The following PHACTR1 variants were observed in gnomAD, a reference collection of about 807,000 sequenced individuals.
The protein encoded by PHACTR1 is RPEL repeat containing 1.
Under a neutral mutation model 69.2 loss-of-function variants are expected in PHACTR1, and 16 were observed. That is an observed-to-expected ratio of 0.23 (90% CI 0.16 to 0.35). The LOEUF (loss-of-function observed/expected upper bound fraction) is 0.35, where lower values mean the gene tolerates loss of function less well. PHACTR1 is among the 10% of genes least tolerant of loss of function. The pLI is 1.00. For synonymous variants in PHACTR1, 312 were observed against 284.5 expected, an observed-to-expected ratio of 1.10 and a Z score of -0.97; for missense variants, 510 against 734.7, an observed-to-expected ratio of 0.69 and a Z score of 3.54.
At chr6:12,953,902 A>G (rs971696021) in intron 4 of PHACTR1, among the ~76,000 whole-genome samples, 2 of 152,250 alleles carry the variant, frequency 1.3e-5, no homozygotes, top group Non-Finnish European at 1.5e-5. Context: ...AATGACACAC[A>G]TAATTCCTAT....
At position 12,872,359 on chromosome 6, in the gene PHACTR1, A is replaced by G. The variant is rs146286554; in HGVS notation, c.250+122569A>G. ...ATGGATGATGGATGCATGGAAGTTT[A>G]TTATACTATTAACTCTACTCTTACT... On this transcript the variant is annotated intron_variant, in intron 4 of 14. Transcript: ENST00000332995. Among the ~76,000 whole-genome samples, 358 of 152,318 alleles carry G rather than the reference A, an allele frequency of 2.4e-3. 1 individual carries two copies. The highest frequency in any genetic ancestry group is 8.1e-3 in the African/African-American group (338 of 41,574).
intron 5 of PHACTR1, among the ~76,000 whole-genome samples, chr6:13,125,958 A>G (rs2127955419): frequency 6.6e-6 from 1 of 152,294 alleles, no homozygotes; most frequent in East Asian, 1.9e-4. Context: ...AACATAGTCC[A>G]AATTAAATAA....
chr6:12,885,209 G>A (rs764622059), intron 4 of PHACTR1, among the ~76,000 whole-genome samples: 9 of 152,144 alleles, frequency 5.9e-5, no homozygotes, highest in South Asian at 4.1e-4. Context: ...GACCTAGACC[G>A]CCCCATGATA....
intron 3 of PHACTR1, among the ~76,000 whole-genome samples, chr6:12,747,051 G>C (rs937335712): frequency 6.6e-6 from 1 of 152,152 alleles, no homozygotes; most frequent in South Asian, 2.1e-4. Flanking sequence ...TTCATTTGAT[G>C]AGCCATATAG....
chr6:12,957,484 G>C, intron 4 of PHACTR1: 1 of 985,500 alleles, frequency 1.0e-6, no homozygotes, highest in Non-Finnish European at 1.2e-6. Flanking sequence ...CCAATGTCAA[G>C]TAAAACGCAG....
chr6:13,160,080 G>A (rs1758763545), intron 5 of PHACTR1, 124 bp from the exon 6 acceptor site: 1 of 813,208 alleles, frequency 1.2e-6, no homozygotes, highest in Non-Finnish European at 2.1e-6. Flanking sequence ...GCTCACATTA[G>A]CAAAGCACGA....
At chr6:12,957,417 C>T (rs1792028789) in intron 4 of PHACTR1, 1 of 985,280 alleles carries the variant, frequency 1.0e-6, no homozygotes, top group Admixed American at 6.2e-5. Flanking sequence ...GGTTTGGATC[C>T]CCGGGTTACT....
chr6:12,898,039 T>A (rs1784845911), intron 4 of PHACTR1, among the ~76,000 whole-genome samples: 1 of 152,186 alleles, frequency 6.6e-6, no homozygotes. Flanking sequence ...GCAAAGGACA[T>A]GAACTGATAT....
At chr6:12,820,022 T>C (rs778381039) in intron 4 of PHACTR1, among the ~76,000 whole-genome samples, 8 of 152,210 alleles carry the variant, frequency 5.3e-5, no homozygotes, top group Non-Finnish European at 5.9e-5. Flanking sequence ...CAGCACTTGA[T>C]TCAAGCATGG....
chr6:13,029,617 G>A (rs1046440727), intron 4 of PHACTR1, among the ~76,000 whole-genome samples: 4 of 152,216 alleles, frequency 2.6e-5, no homozygotes, highest in Non-Finnish European at 5.9e-5. Flanking sequence ...ATGAAGCTAC[G>A]TAGCTAGGAG....
At chr6:13,118,756 G>A (rs1004689707) in intron 5 of PHACTR1, among the ~76,000 whole-genome samples, 4 of 152,088 alleles carry the variant, frequency 2.6e-5, no homozygotes, top group Non-Finnish European at 2.9e-5. Context: ...GGATTACGGC[G>A]TGAGCCACTG....
Position 12,754,128 on chromosome 6 carries a change from A to ATTTTT in PHACTR1, c.250+4352_250+4356dup, listed in dbSNP as rs34841058. On this transcript the variant is annotated intron_variant, in intron 4 of 14. Transcript: ENST00000332995. ...CAGGCACCTGCCACCACGCCTGGCT[A>ATTTTT]TTTTTTTTTTTTTTTTTTGTATTTT... is the stretch of plus-strand genomic sequence containing the variant. 2.2e-3 allele frequency among the ~76,000 whole-genome samples: 248 copies of ATTTTT among 112,384 alleles called. 3 individuals carry two copies. Among genetic ancestry groups the ATTTTT allele is most frequent in the African/African-American group, 7.8e-3 (229 of 29,236 alleles). The allele number at this position is 112,384 out of a possible 152,430, so 73.7% of individuals were successfully genotyped here.
intron 4 of PHACTR1, among the ~76,000 whole-genome samples, chr6:12,813,452 C>G (rs538931358): frequency 6.6e-6 from 1 of 152,188 alleles, no homozygotes; most frequent in Non-Finnish European, 1.5e-5. Flanking sequence ...GGAACCACTA[C>G]TCTACTGCAT....
chr6:13,126,277 C>T (rs960157966), intron 5 of PHACTR1, among the ~76,000 whole-genome samples: 1 of 151,784 alleles, frequency 6.6e-6, no homozygotes, highest in East Asian at 1.9e-4. Flanking sequence ...GTACCTAGTA[C>T]GTGCCAAATA....
At chr6:12,861,859 A>C (rs761637331) in intron 4 of PHACTR1, among the ~76,000 whole-genome samples, 1 of 152,210 alleles carries the variant, frequency 6.6e-6, no homozygotes, top group Non-Finnish European at 1.5e-5. Context: ...TAACCTTGGA[A>C]ATAAATACAT....
At chr6:12,790,047 C>A (rs1273167622) in intron 4 of PHACTR1, among the ~76,000 whole-genome samples, 2 of 151,982 alleles carry the variant, frequency 1.3e-5, no homozygotes. Flanking sequence ...ACTCTGATAA[C>A]CTCTGAATAA....
chr6:13,153,276 A>G (rs757791575), intron 5 of PHACTR1, among the ~76,000 whole-genome samples: 2 of 152,298 alleles, frequency 1.3e-5, no homozygotes, highest in South Asian at 4.2e-4. Flanking sequence ...CCTAGTTTTT[A>G]TATTAAGGCA....
In PHACTR1 at chr6:13,272,878, A is replaced by T. The variant is rs1395440880; in HGVS notation, c.1410A>T (p.Pro470=). The T allele has an allele frequency of 6.2e-7, 1 of 1,613,982 alleles. No individual in the cohort carries two copies. Among genetic ancestry groups the T allele is most frequent in the African/African-American group, 1.3e-5 (1 of 74,954 alleles). ...TCCGTAGGCGGCTGAGCCAGAGGCC[A>T]ACTGCAGAGGAACTGGAACAGAGGA... The part of the protein sequence containing the change: ...TKLTRRLSQR[P]TAEELEQRNI... The change falls in exon 11 of 15, where the codon CCA becomes CCT. Residue 470 remains proline, a synonymous_variant. Coordinates refer to ENST00000332995, the MANE Select transcript of PHACTR1 (RefSeq NM_030948.6).
chr6:13,150,352 A>G (rs1214169786), intron 5 of PHACTR1, among the ~76,000 whole-genome samples: 6 of 152,092 alleles, frequency 3.9e-5, no homozygotes, highest in African/African-American at 1.4e-4. Flanking sequence ...AGAAAATAAT[A>G]ATAATAATAA....
Sources: allele counts gnomAD v4.1 joint callset (sites outside exome capture counted in the v4.1 genomes callset), GRCh38; gene constraint gnomAD v4.1.1; transcripts MANE v1.5; gene names NCBI Gene and HGNC (gene_info 2026-07-23, HGNC 2026-07-21).